The following JAKMIP2 variants were observed in gnomAD, a reference collection of about 807,000 sequenced individuals.
The protein encoded by JAKMIP2 is janus kinase and microtubule-interacting protein 2.
JAKMIP2 carries 25 observed loss-of-function variants against 115.0 expected under a neutral mutation model. That is an observed-to-expected ratio of 0.22 (90% CI 0.16 to 0.30). The LOEUF (loss-of-function observed/expected upper bound fraction) is 0.30. Among genes scored for constraint, JAKMIP2 ranks in the 10% least tolerant of loss-of-function variants. JAKMIP2 has a pLI of 1.00. For missense variants in JAKMIP2, 642 were observed against 957.6 expected, an observed-to-expected ratio of 0.67 and a Z score of 4.35; for synonymous variants, 334 against 343.6, an observed-to-expected ratio of 0.97 and a Z score of 0.31.
At chr5:147,780,958 C>T (rs1479222684) in intron 1 of JAKMIP2, among the ~76,000 whole-genome samples, 2 of 152,114 alleles carry the variant, frequency 1.3e-5, no homozygotes, top group Non-Finnish European at 2.9e-5. Flanking sequence ...TTTTTTCTGG[C>T]TTTAATTCAA....
intron 2 of JAKMIP2, among the ~76,000 whole-genome samples, chr5:147,662,846 G>A (rs6860455): frequency 4.0e-5 from 6 of 151,816 alleles, no homozygotes; most frequent in Non-Finnish European, 7.4e-5. Context: ...TTGGCTGGGC[G>A]TGGTGGCAGG....
At chr5:147,613,909 T>C (rs1380447732) in intron 19 of JAKMIP2, among the ~76,000 whole-genome samples, 2 of 152,194 alleles carry the variant, frequency 1.3e-5, no homozygotes, top group African/African-American at 4.8e-5. Context: ...GGGATGGAAC[T>C]GGAATGTTGA....
chr5:147,627,252 C>T (rs1299462177), intron 16 of JAKMIP2, among the ~76,000 whole-genome samples: 3 of 152,074 alleles, frequency 2.0e-5, no homozygotes, highest in Non-Finnish European at 4.4e-5. Flanking sequence ...AGCAGGAACA[C>T]CTAAGGGGGC....
intron 1 of JAKMIP2, among the ~76,000 whole-genome samples, chr5:147,750,167 A>C (rs1412629322): frequency 6.6e-6 from 1 of 152,220 alleles, no homozygotes; most frequent in Non-Finnish European, 1.5e-5. Flanking sequence ...AGGAAAGATC[A>C]CAACCATTGC....
At position 147,588,782 on chromosome 5, in the gene JAKMIP2, T is replaced by C. The variant is rs1438196286; in HGVS notation, c.*2925A>G. 4 of 152,154 alleles carry C rather than the reference T, an allele frequency of 2.6e-5. No homozygotes were observed. Among genetic ancestry groups the C allele is most frequent in the African/African-American group, 7.2e-5 (3 of 41,436 alleles). 9.4% of individuals were successfully genotyped at this position (152,154 alleles called of 1,614,324 possible). A position where few individuals can be genotyped will look rare whatever the true frequency, so the allele number is the denominator to read the frequency against. ...CTAGCTGTTGTTCTCATATGACTTA[T>C]AGCAGATAAGCAGATTAGGTATATA... is the stretch of plus-strand genomic sequence containing the variant. On this transcript the variant is annotated 3_prime_UTR_variant, in exon 22 of 22. Transcript: ENST00000616793.
At chr5:147,696,155 T>A (rs557417549) in intron 1 of JAKMIP2, among the ~76,000 whole-genome samples, 2 of 152,240 alleles carry the variant, frequency 1.3e-5, no homozygotes, top group East Asian at 3.9e-4. Flanking sequence ...CTATATAAGG[T>A]TTACTGAGAC....
At chr5:147,761,564 A>G (rs1754930016) in intron 1 of JAKMIP2, among the ~76,000 whole-genome samples, 1 of 152,132 alleles carries the variant, frequency 6.6e-6, no homozygotes, top group Admixed American at 6.6e-5. Flanking sequence ...CAAACTTACA[A>G]GAAAATATAA....
chr5:147,629,670 T>C (rs1757268079), intron 15 of JAKMIP2, 23 bp downstream of exon 15: 1 of 1,587,928 alleles, frequency 6.3e-7, no homozygotes, highest in Non-Finnish European at 8.6e-7. Flanking sequence ...TTCATATCTA[T>C]ACTAAATCAA....
At chr5:147,637,191 T>A in intron 10 of JAKMIP2, 143 bp from the exon 11 acceptor site, 1 of 644,364 alleles carries the variant, frequency 1.6e-6, no homozygotes, top group Non-Finnish European at 2.7e-6. Context: ...TCTAAATTCT[T>A]GTTTAAAACT....
intron 12 of JAKMIP2, among the ~76,000 whole-genome samples, chr5:147,633,506 T>A (rs1757465524): frequency 6.6e-6 from 1 of 152,166 alleles, no homozygotes; most frequent in African/African-American, 2.4e-5. Flanking sequence ...CATTAGCACT[T>A]AAATAAGCTC....
intron 1 of JAKMIP2, among the ~76,000 whole-genome samples, chr5:147,689,633 G>A (rs112447302): frequency 5.9e-4 from 90 of 152,248 alleles, no homozygotes; most frequent in Non-Finnish European, 1.2e-3. Flanking sequence ...AACAGTACAC[G>A]TTACTGTTTG....
chr5:147,730,431 T>C (rs1318176204), intron 1 of JAKMIP2, among the ~76,000 whole-genome samples: 1 of 151,124 alleles, frequency 6.6e-6, no homozygotes, highest in African/African-American at 2.4e-5. Flanking sequence ...CCATGTGATA[T>C]CGGATCATCT....
intron 1 of JAKMIP2, among the ~76,000 whole-genome samples, chr5:147,774,898 CATA>C (rs1054086545): frequency 5.3e-5 from 8 of 152,098 alleles, no homozygotes; most frequent in Non-Finnish European, 1.0e-4. Flanking sequence ...TTTTTAGAGT[CATA>C]ATAATCTCAG....
At chr5:147,748,940 A>G (rs1464032712) in intron 1 of JAKMIP2, among the ~76,000 whole-genome samples, 1 of 152,148 alleles carries the variant, frequency 6.6e-6, no homozygotes, top group Admixed American at 6.5e-5. Context: ...TCTTTTGCCT[A>G]TTAAACCTCC....
chr5:147,627,459 A>G (rs941692743), intron 16 of JAKMIP2, among the ~76,000 whole-genome samples: 1 of 152,084 alleles, frequency 6.6e-6, no homozygotes, highest in Admixed American at 6.6e-5. Context: ...AAATAGGTAG[A>G]TAAGACTCAA....
chr5:147,684,716 T>C (rs552515990), intron 1 of JAKMIP2, among the ~76,000 whole-genome samples: 2 of 152,296 alleles, frequency 1.3e-5, no homozygotes, highest in Admixed American at 1.3e-4. Context: ...GGGAATGTGA[T>C]AAATATTTTT....
At chr5:147,690,756 G>T (rs1751805855) in intron 1 of JAKMIP2, among the ~76,000 whole-genome samples, 1 of 151,932 alleles carries the variant, frequency 6.6e-6, no homozygotes, top group African/African-American at 2.4e-5. Flanking sequence ...AGGTGAGTGT[G>T]TAGCTCCTTC....
intron 18 of JAKMIP2, among the ~76,000 whole-genome samples, chr5:147,618,524 G>A (rs1478750926): frequency 1.3e-5 from 2 of 152,088 alleles, no homozygotes; most frequent in Non-Finnish European, 2.9e-5. Flanking sequence ...ATCATCTGAG[G>A]TCAGGAGTTC....
At chr5:147,632,344 T>C (rs1251487363) in intron 13 of JAKMIP2, among the ~76,000 whole-genome samples, 1 of 152,200 alleles carries the variant, frequency 6.6e-6, no homozygotes, top group Non-Finnish European at 1.5e-5. Flanking sequence ...GACATGAGTA[T>C]TTAAAAACAA....
Sources: gnomAD v4.1 joint callset for allele counts (sites outside exome capture counted in the v4.1 genomes callset) on GRCh38, gnomAD v4.1.1 for gene constraint, MANE v1.5 for transcripts, NCBI Gene and HGNC (gene_info 2026-07-23, HGNC 2026-07-21) for gene names.